NOX4: variants seen among roughly 807,000 people sequenced by gnomAD.
NOX4 encodes kidney oxidase-1.
NOX4 carries 69 observed loss-of-function variants against 87.6 expected under a neutral mutation model. The ratio of observed to expected loss-of-function variants is 0.79; its 90% CI spans 0.65 to 0.96. The LOEUF (loss-of-function observed/expected upper bound fraction) is 0.96, where lower values mean the gene tolerates loss of function less well. Among genes scored for constraint, NOX4 ranks in the 40% least tolerant of loss-of-function variants. The pLI is 0.00. For synonymous variants in NOX4, 275 were observed against 238.2 expected, an observed-to-expected ratio of 1.15 and a Z score of -1.42; for missense variants, 680 against 681.5, an observed-to-expected ratio of 1.00 and a Z score of 0.02.
intron 12 of NOX4, among the ~76,000 whole-genome samples, chr11:89,359,757 C>T (rs1190825010): frequency 6.6e-6 from 1 of 151,778 alleles, no homozygotes; most frequent in Non-Finnish European, 1.5e-5. Flanking sequence ...TCTCTATAAC[C>T]TCCTCTATAA....
At chr11:89,580,839 C>T in the NOX4 span, among the ~76,000 whole-genome samples, 5 of 152,130 alleles carry the variant, frequency 3.3e-5, no homozygotes, top group Non-Finnish European at 2.9e-5. Context: ...ACTCTAGTCA[C>T]TGCTCAATGT....
the NOX4 span, among the ~76,000 whole-genome samples, chr11:89,511,135 T>C: frequency 6.6e-6 from 1 of 152,072 alleles, no homozygotes; most frequent in East Asian, 1.9e-4. Context: ...TCATTATTAA[T>C]ATTACATTTA....
rs547817968 is a variant in NOX4, at chr11:89,429,197, C to G, written c.548+3587G>C. On this transcript the variant is annotated intron_variant, in intron 7 of 17. Transcript: ENST00000263317. The stretch of plus-strand genomic sequence containing the variant: ...ACACAACATACCAGAATCTCTGGGA[C>G]ACATTTAAAGCAGTGTGTAGAGGAA... Among the ~76,000 whole-genome samples, 6 of 152,262 alleles carry G rather than the reference C, an allele frequency of 3.9e-5. No homozygotes were observed. In the South Asian group the frequency reaches 1.0e-3, roughly 26 times the overall value.
chr11:89,391,655 A>T (rs924039784), intron 11 of NOX4, among the ~76,000 whole-genome samples: 4 of 150,096 alleles, frequency 2.7e-5, no homozygotes, highest in African/African-American at 9.8e-5. Context: ...ACTACTCAGG[A>T]GGCTAAACCC....
At chr11:89,398,453 G>A (rs1179955952) in intron 11 of NOX4, among the ~76,000 whole-genome samples, 1 of 151,932 alleles carries the variant, frequency 6.6e-6, no homozygotes, top group Non-Finnish European at 1.5e-5. Context: ...CATAGTGTTG[G>A]AAGTTCTGGC....
intron 12 of NOX4, among the ~76,000 whole-genome samples, chr11:89,367,702 C>A (rs1939111954): frequency 6.6e-6 from 1 of 151,968 alleles, no homozygotes; most frequent in Admixed American, 6.6e-5. Flanking sequence ...CAGGGTGACC[C>A]ATATAAAGGG....
chr11:89,380,832 C>G (rs1198253235), intron 11 of NOX4, among the ~76,000 whole-genome samples: 2 of 152,110 alleles, frequency 1.3e-5, no homozygotes, highest in African/African-American at 4.8e-5. Context: ...GTTAAGATAA[C>G]ATTGTCACCA....
At chr11:89,536,704 C>T in the NOX4 span, among the ~76,000 whole-genome samples, 5 of 152,134 alleles carry the variant, frequency 3.3e-5, no homozygotes, top group Non-Finnish European at 7.4e-5. Flanking sequence ...TTCTCCTCCT[C>T]CTCATTATTA....
chr11:89,469,052 T>C (rs979563577), intron 2 of NOX4, among the ~76,000 whole-genome samples: 2 of 152,318 alleles, frequency 1.3e-5, no homozygotes, highest in South Asian at 2.1e-4. Context: ...ATTTATGTTT[T>C]TCACATCTTC....
At chr11:89,571,329 G>A in the NOX4 span, among the ~76,000 whole-genome samples, 31 of 149,704 alleles carry the variant, frequency 2.1e-4, no homozygotes, top group African/African-American at 5.6e-4. Context: ...TTTTCGAGAC[G>A]GAGTCTTACT....
At chr11:89,429,559 C>A (rs1943659304) in intron 7 of NOX4, among the ~76,000 whole-genome samples, 1 of 152,062 alleles carries the variant, frequency 6.6e-6, no homozygotes, top group African/African-American at 2.4e-5. Flanking sequence ...ATATAAACTA[C>A]CATCAGAGAA....
the NOX4 span, among the ~76,000 whole-genome samples, chr11:89,549,541 G>A: frequency 1.3e-5 from 2 of 152,164 alleles, no homozygotes; most frequent in African/African-American, 4.8e-5. Context: ...TGCAGGGCAT[G>A]CAGGTTTGTT....
chr11:89,549,390 G>A, the NOX4 span, among the ~76,000 whole-genome samples: 1 of 152,074 alleles, frequency 6.6e-6, no homozygotes, highest in Non-Finnish European at 1.5e-5. Flanking sequence ...GACACGTCTT[G>A]TTTCCTTCAA....
chr11:89,440,291 T>C (rs1398430668), intron 6 of NOX4, among the ~76,000 whole-genome samples: 2 of 152,124 alleles, frequency 1.3e-5, no homozygotes, highest in Non-Finnish European at 2.9e-5. Context: ...GTTGTGTAAT[T>C]TGATAATGCT....
the NOX4 span, among the ~76,000 whole-genome samples, chr11:89,539,044 A>T: frequency 6.6e-6 from 1 of 152,070 alleles, no homozygotes; most frequent in East Asian, 1.9e-4. Context: ...CAGCAAGAAG[A>T]CTGCCTTCTG....
the NOX4 span, among the ~76,000 whole-genome samples, chr11:89,510,755 G>A: frequency 5.9e-4 from 90 of 152,032 alleles, no homozygotes; most frequent in South Asian, 7.5e-3. Context: ...CATGCTTCTG[G>A]CTTACATGGT....
chr11:89,444,063 G>A (rs1591270641), intron 5 of NOX4, 72 bp downstream of exon 5: 1 of 1,325,558 alleles, frequency 7.5e-7, no homozygotes, highest in Non-Finnish European at 1.1e-6. Context: ...AAATTTTCAG[G>A]GAAAAATCAC....
intron 11 of NOX4, among the ~76,000 whole-genome samples, chr11:89,396,145 G>T (rs1847563535): frequency 6.6e-6 from 1 of 152,120 alleles, no homozygotes; most frequent in Non-Finnish European, 1.5e-5. Flanking sequence ...AGCATGAAAT[G>T]TTCTTCCATT....
intron 2 of NOX4, among the ~76,000 whole-genome samples, chr11:89,467,475 A>T (rs1453242911): frequency 6.6e-6 from 1 of 152,058 alleles, no homozygotes; most frequent in East Asian, 1.9e-4. Context: ...TGTGGCTTAT[A>T]AACAACAAAC....
Sources: allele counts gnomAD v4.1 joint callset (sites outside exome capture counted in the v4.1 genomes callset), GRCh38; gene constraint gnomAD v4.1.1; transcripts MANE v1.5; gene names NCBI Gene and HGNC (gene_info 2026-07-23, HGNC 2026-07-21).